DENND5B: variants seen among roughly 807,000 people sequenced by gnomAD.
The protein encoded by DENND5B is DENN domain containing 5B, also known as DENN domain-containing protein 5B.
Under a neutral mutation model 140.6 loss-of-function variants are expected in DENND5B, and 34 were observed. The observed-to-expected ratio is 0.24, with a 90% CI of 0.18 to 0.32. The LOEUF is 0.32. Among genes scored for constraint, DENND5B ranks in the 10% least tolerant of loss-of-function variants. The pLI is 1.00. For missense variants in DENND5B, 1,142 were observed against 1,560.2 expected (o/e 0.73, Z 4.52); for synonymous variants, 551 against 562.1 (o/e 0.98, Z 0.28).
intron 1 of DENND5B, among the ~76,000 whole-genome samples, chr12:31,589,232 C>A (rs1427404004): frequency 2.0e-5 from 3 of 152,226 alleles, no homozygotes; most frequent in Non-Finnish European, 4.4e-5. Context: ...CTTCACCAAT[C>A]TCGAGAAGAA....
At chr12:31,554,407 C>T (rs543338919) in intron 1 of DENND5B, among the ~76,000 whole-genome samples, 92 of 152,298 alleles carry the variant, frequency 6.0e-4, no homozygotes, top group Admixed American at 3.0e-3. Context: ...TCTCTTCTGG[C>T]TTGTAGAATT....
intron 17 of DENND5B, among the ~76,000 whole-genome samples, chr12:31,393,292 G>GCT (rs1941248541): frequency 6.6e-6 from 1 of 152,190 alleles, no homozygotes; most frequent in African/African-American, 2.4e-5. Context: ...GGAGTTTGAA[G>GCT]ATTTGCTGTT....
intron 1 of DENND5B, among the ~76,000 whole-genome samples, chr12:31,557,052 G>A (rs1050182775): frequency 6.6e-6 from 1 of 152,002 alleles, no homozygotes; most frequent in Admixed American, 6.6e-5. Flanking sequence ...TAAAGTACAT[G>A]GTATTCTAGA....
chr12:31,472,037 C>G (rs552612668), intron 3 of DENND5B, among the ~76,000 whole-genome samples: 19 of 152,224 alleles, frequency 1.2e-4, no homozygotes, highest in Non-Finnish European at 2.4e-4. Context: ...GATATTCACC[C>G]GCTGAATACA....
intron 3 of DENND5B, among the ~76,000 whole-genome samples, chr12:31,469,984 C>G (rs919112957): frequency 2.0e-5 from 3 of 152,042 alleles, no homozygotes; most frequent in African/African-American, 7.2e-5. Context: ...GGGTCTCGCT[C>G]TGTCACGAGG....
intron 1 of DENND5B, among the ~76,000 whole-genome samples, chr12:31,516,164 T>C (rs978124565): frequency 1.3e-5 from 2 of 152,102 alleles, no homozygotes; most frequent in Non-Finnish European, 2.9e-5. Flanking sequence ...ATATTCTCTG[T>C]GTTAGTATAT....
chr12:31,504,183 A>C (rs1947109668), intron 1 of DENND5B, among the ~76,000 whole-genome samples: 1 of 152,244 alleles, frequency 6.6e-6, no homozygotes, highest in Non-Finnish European at 1.5e-5. Context: ...TTTATAGGAC[A>C]TATATTTAAA....
intron 3 of DENND5B, among the ~76,000 whole-genome samples, chr12:31,476,909 G>C (rs918299596): frequency 6.6e-6 from 1 of 152,150 alleles, no homozygotes; most frequent in Non-Finnish European, 1.5e-5. Context: ...TGGCCTTTAA[G>C]ATTTCTTCTA....
chr12:31,508,562 A>G (rs941765827), intron 1 of DENND5B, among the ~76,000 whole-genome samples: 1 of 152,210 alleles, frequency 6.6e-6, no homozygotes, highest in Non-Finnish European at 1.5e-5. Context: ...AACGAGACTC[A>G]CTGGGAAAGA....
At position 31,538,461 on chromosome 12, in the gene DENND5B, A is replaced by G. The variant is rs140063383; in HGVS notation, c.128-42542T>C. On this transcript the variant is annotated intron_variant, in intron 1 of 20. Coordinates refer to ENST00000389082, the MANE Select transcript of DENND5B (RefSeq NM_144973.4). ...AGTACTGAGAGGCAAGTTTATAGCT[A>G]TAAGTGCCTACATCAAAAAAGAAAA... Among the ~76,000 whole-genome samples the G allele has an allele frequency of 2.1e-3, 314 of 152,330 alleles. 5 individuals are homozygous for G. The highest frequency in any genetic ancestry group is 7.2e-4 in the Non-Finnish European group (49 of 68,034).
chr12:31,524,386 C>T (rs1328135118), intron 1 of DENND5B, among the ~76,000 whole-genome samples: 1 of 152,160 alleles, frequency 6.6e-6, no homozygotes, highest in Non-Finnish European at 1.5e-5. Flanking sequence ...GGCACGGTGG[C>T]TCACACCTGT....
At chr12:31,392,152 GAA>G in intron 19 of DENND5B, 113 bp downstream of exon 19, 1 of 1,038,224 alleles carries the variant, frequency 9.6e-7, no homozygotes, top group Non-Finnish European at 1.3e-6. Flanking sequence ...AAAAAAAAAA[GAA>G]AAAAAATATA....
At chr12:31,413,304 TTAGA>T (rs1251746388) in intron 13 of DENND5B, 128 bp downstream of exon 13, 4 of 1,108,140 alleles carry the variant, frequency 3.6e-6, no homozygotes, top group South Asian at 4.2e-5. Flanking sequence ...CACACGCCTG[TTAGA>T]TAAAGAAGAA....
chr12:31,408,250 G>A (rs568676897), intron 14 of DENND5B, among the ~76,000 whole-genome samples: 2 of 152,180 alleles, frequency 1.3e-5, no homozygotes, highest in East Asian at 3.9e-4. Context: ...AGTGAGCTGA[G>A]ATTCCACCAC....
Position 31,399,744 on chromosome 12 carries a change from A to G in DENND5B, c.2978T>C (p.Val993Ala), listed in dbSNP as rs1175285995. 2 of 1,613,854 alleles carry G rather than the reference A, an allele frequency of 1.2e-6. No homozygotes were observed. Among genetic ancestry groups the G allele is most frequent in the Non-Finnish European group, 1.7e-6 (2 of 1,179,912 alleles). ...ECQNLGKLTT[V>A]QIGHDNSGLL... ...TCCTGAGTTATCGTGACCAATCTGA[A>G]CAGTGGTCAGCTTCCCCAAGTTCTG... Residue 993 changes from valine to alanine, a missense_variant, in exon 16 of 21, where the codon GTT becomes GCT. By Grantham distance (64) the Val-to-Ala change is moderately conservative. Around this residue, in one of 5 missense-constraint regions of DENND5B, gnomAD observed 268 missense variants for 349.2 expected, o/e 0.77. Coordinates refer to ENST00000389082, the MANE Select transcript of DENND5B (RefSeq NM_144973.4).
chr12:31,549,295 T>C (rs1453115959), intron 1 of DENND5B, among the ~76,000 whole-genome samples: 1 of 152,208 alleles, frequency 6.6e-6, no homozygotes, highest in African/African-American at 2.4e-5. Context: ...CCAAGTCTTC[T>C]TGTTATCGTA....
intron 1 of DENND5B, among the ~76,000 whole-genome samples, chr12:31,543,354 C>CT (rs2139183381): frequency 6.6e-6 from 1 of 152,318 alleles, no homozygotes; most frequent in Admixed American, 6.5e-5. Context: ...TAGCTTGCTT[C>CT]TTTGACAGTA....
chr12:31,507,181 C>T (rs1947235782), intron 1 of DENND5B, among the ~76,000 whole-genome samples: 1 of 151,958 alleles, frequency 6.6e-6, no homozygotes, highest in Non-Finnish European at 1.5e-5. Context: ...CAGACAAATT[C>T]CTTTTTTTTT....
rs546040164 is a variant in DENND5B, at chr12:31,442,292, G to T, written c.2012+483C>A. 5.8e-4 allele frequency among the ~76,000 whole-genome samples: 88 copies of T among 152,238 alleles called. No individual in the cohort carries two copies. In the Middle Eastern group the frequency reaches 0.014, roughly 24 times the overall value. On this transcript the variant is annotated intron_variant, in intron 7 of 20. Transcript: ENST00000389082. ...CTAAAAGCTGGAAAAGGCAAGGAAG[G>T]ATCATTCCCTAGAAGCCTCGAAGGG... is the stretch of plus-strand genomic sequence containing the variant.
Sources: gnomAD v4.1 joint callset for allele counts (sites outside exome capture counted in the v4.1 genomes callset) on GRCh38, gnomAD v4.1.1 for gene constraint, gnomAD v4.1.1 regional missense constraint, MANE v1.5 for transcripts, NCBI Gene and HGNC (gene_info 2026-07-23, HGNC 2026-07-21) for gene names.